DIS3L2: variants seen among roughly 807,000 people sequenced by gnomAD.
The protein encoded by DIS3L2 is DIS3-like exonuclease 2.
A neutral mutation model predicts 97.5 loss-of-function variants in DIS3L2; 34 were observed. The ratio of observed to expected loss-of-function variants is 0.35; its 90% CI spans 0.27 to 0.46. The LOEUF (loss-of-function observed/expected upper bound fraction) is 0.46, where lower values mean the gene tolerates loss of function less well. Among genes scored for constraint, DIS3L2 ranks in the 20% least tolerant of loss-of-function variants. The probability of loss-of-function intolerance (pLI) is 1.00; values close to 1 mark genes in which losing one functional copy is unlikely to be tolerated. For missense variants in DIS3L2, 1,038 were observed against 1,146.0 expected, an observed-to-expected ratio of 0.91 and a Z score of 1.36; for synonymous variants, 435 against 445.2, an observed-to-expected ratio of 0.98 and a Z score of 0.29.
rs150245225 is a variant in DIS3L2 at position 232,276,047 on chromosome 2, G to A, written c.1659+12607G>A. On this transcript the variant is annotated intron_variant, in intron 13 of 20. Coordinates refer to ENST00000325385, the MANE Select transcript of DIS3L2 (RefSeq NM_152383.5). The surrounding 1 kb of genome is among the most constrained non-coding windows in gnomAD (Gnocchi z 4.4). ...AAATTATTTAATTGCTCCTTGAATC[G>A]TGACCTCCTGGGGTAAAGGAAATCT... Among the ~76,000 whole-genome samples, 6 of 152,308 alleles carry A rather than the reference G, an allele frequency of 3.9e-5. No homozygotes were observed. Among genetic ancestry groups the A allele is most frequent in the East Asian group, 1.9e-4 (1 of 5,188 alleles).
At chr2:232,155,968 C>T (rs796710340) in intron 8 of DIS3L2, among the ~76,000 whole-genome samples, 44 of 150,102 alleles carry the variant, frequency 2.9e-4, no homozygotes, top group African/African-American at 8.4e-4. Context: ...CCAGCCTGGG[C>T]GACAGAGTGA....
At chr2:232,023,140 C>T (rs1031246284) in intron 3 of DIS3L2, 1 of 152,220 alleles carries the variant, frequency 6.6e-6, no homozygotes, top group East Asian at 1.9e-4. Flanking sequence ...TAAGCTGTAC[C>T]TCTGCTTTAT....
At chr2:232,278,960 G>A (rs538507942) in intron 13 of DIS3L2, among the ~76,000 whole-genome samples, 3 of 152,258 alleles carry the variant, frequency 2.0e-5, no homozygotes, top group Admixed American at 2.0e-4. Flanking sequence ...TTTTTGAGAT[G>A]GAGTTTCGCT....
intron 6 of DIS3L2, among the ~76,000 whole-genome samples, chr2:232,120,405 A>T (rs2106340752): frequency 6.6e-6 from 1 of 152,216 alleles, no homozygotes; most frequent in South Asian, 2.1e-4. Flanking sequence ...GCCTTTAGAG[A>T]TAAGTTCCCT....
chr2:232,287,883 A>C (rs1391546391), intron 13 of DIS3L2, among the ~76,000 whole-genome samples: 1 of 152,222 alleles, frequency 6.6e-6, no homozygotes, highest in Non-Finnish European at 1.5e-5. Flanking sequence ...AGACTATCTA[A>C]GACACAACTA....
chr2:232,127,412 C>T (rs533789877), intron 6 of DIS3L2, among the ~76,000 whole-genome samples: 1 of 152,278 alleles, frequency 6.6e-6, no homozygotes, highest in East Asian at 1.9e-4. Context: ...AATCCTTAAG[C>T]TCTCATATGT....
intron 1 of DIS3L2, among the ~76,000 whole-genome samples, chr2:231,985,242 C>G (rs908579282): frequency 6.6e-6 from 1 of 152,204 alleles, no homozygotes; most frequent in African/African-American, 2.4e-5. Context: ...ACAGCCATTG[C>G]CCTCTCTCTC....
At chr2:232,302,597 G>A (rs1175953424) in intron 14 of DIS3L2, among the ~76,000 whole-genome samples, 2 of 125,282 alleles carry the variant, frequency 1.6e-5, no homozygotes, top group Admixed American at 1.7e-4. Flanking sequence ...TCTTGCTTTT[G>A]TCACCCAGCC....
In DIS3L2 at chr2:232,149,227, A is replaced by G. The variant is rs1304808080; in HGVS notation, c.950+12508A>G. The stretch of plus-strand genomic sequence containing the variant: ...TTTTTTTTATTATATTCTAAGTTTT[A>G]GGGTACATGTGCACATTGTGCAGGT... On this transcript the variant is annotated intron_variant, in intron 8 of 20. Transcript: ENST00000325385. Among the ~76,000 whole-genome samples the G allele has an allele frequency of 3.8e-3, 547 of 144,902 alleles. 3 individuals carry two copies. Among genetic ancestry groups the G allele is most frequent in the African/African-American group, 0.014 (517 of 37,948 alleles).
At chr2:232,267,979 C>G (rs1368966274) in intron 13 of DIS3L2, among the ~76,000 whole-genome samples, 1 of 152,194 alleles carries the variant, frequency 6.6e-6, no homozygotes, top group African/African-American at 2.4e-5. Context: ...CACCTACTGC[C>G]TGCTGGGGTT....
intron 5 of DIS3L2, among the ~76,000 whole-genome samples, chr2:232,035,592 G>T (rs1694929324): frequency 6.6e-6 from 1 of 152,118 alleles, no homozygotes; most frequent in Admixed American, 6.5e-5. Flanking sequence ...TCTTCATAGT[G>T]TCAATGATCT....
intron 1 of DIS3L2, among the ~76,000 whole-genome samples, chr2:231,995,411 A>G (rs1300729826): frequency 2.6e-5 from 4 of 152,126 alleles, no homozygotes; most frequent in Non-Finnish European, 5.9e-5. Context: ...AGACTTTCCT[A>G]TGGAACCTAG....
At chr2:232,139,009 G>T (rs1362499284) in intron 8 of DIS3L2, among the ~76,000 whole-genome samples, 1 of 152,142 alleles carries the variant, frequency 6.6e-6, no homozygotes, top group Admixed American at 6.5e-5. Context: ...ACAAGTTATG[G>T]ATTCGTTACT....
chr2:232,274,535 C>G (rs570088659), intron 13 of DIS3L2, among the ~76,000 whole-genome samples: 1 of 152,188 alleles, frequency 6.6e-6, no homozygotes, highest in Non-Finnish European at 1.5e-5. Flanking sequence ...TTTCATTGTT[C>G]AGTGAGCTGG....
At chr2:232,231,351 C>T (rs1471840902) in intron 10 of DIS3L2, among the ~76,000 whole-genome samples, 2 of 152,100 alleles carry the variant, frequency 1.3e-5, no homozygotes, top group Admixed American at 6.5e-5. Context: ...AGAAAAGTCC[C>T]AGGGGCCATA....
In DIS3L2 at chr2:232,182,789, GCA is replaced by G. The variant is rs1045105328; in HGVS notation, c.1124+19168_1124+19169del. On this transcript the variant is annotated intron_variant, in intron 9 of 20. Transcript: ENST00000325385. ...CACCTGCACATGCATACACACACAG[GCA>G]CACACACACATACAATTAAATACTA... 2.1e-3 allele frequency among the ~76,000 whole-genome samples: 322 copies of G among 152,010 alleles called. 2 individuals are homozygous for G. The highest frequency in any genetic ancestry group is 7.3e-3 in the African/African-American group (304 of 41,468).
intron 13 of DIS3L2, among the ~76,000 whole-genome samples, chr2:232,270,890 CTCTCTCTCTCTCTCTCTCTCTCTCT>C (rs1693982790): frequency 6.7e-6 from 1 of 149,190 alleles, no homozygotes; most frequent in African/African-American, 2.5e-5. Flanking sequence ...CTCTCTCTCT[CTCTCTCTCTCTCTCTCTCTCTCTCT>C]GTCTCGTCTC....
At chr2:232,316,247 G>A (rs1695272530) in intron 14 of DIS3L2, among the ~76,000 whole-genome samples, 1 of 152,146 alleles carries the variant, frequency 6.6e-6, no homozygotes, top group Non-Finnish European at 1.5e-5. Context: ...GAATAAGAAG[G>A]AAGGAGTCAT....
chr2:232,260,667 C>G (rs1693691336), intron 12 of DIS3L2: 1 of 152,204 alleles, frequency 6.6e-6, no homozygotes, highest in Admixed American at 6.5e-5. Context: ...TCTTATAAGA[C>G]TTTGCTCTGG....
Sources: allele counts gnomAD v4.1 joint callset (sites outside exome capture counted in the v4.1 genomes callset), GRCh38; gene constraint gnomAD v4.1.1; non-coding constraint Gnocchi (gnomAD v3.1); transcripts MANE v1.5; gene names NCBI Gene and HGNC (gene_info 2026-07-23, HGNC 2026-07-21).